The following GAREM1 variants were observed in gnomAD, a reference collection of about 807,000 sequenced individuals.
GAREM1 encodes the protein GRB2-associated and regulator of MAPK protein 1.
A neutral mutation model predicts 71.3 loss-of-function variants in GAREM1; 26 were observed. The observed-to-expected ratio is 0.36, with a 90% CI of 0.27 to 0.51. The LOEUF is 0.51. Among genes scored for constraint, GAREM1 ranks in the 20% least tolerant of loss-of-function variants. The pLI, the probability that GAREM1 is intolerant of heterozygous loss-of-function variation, is 0.95. For synonymous variants in GAREM1, 440 were observed against 433.2 expected (o/e 1.02, Z -0.20); for missense variants, 1,026 against 1,103.1 (o/e 0.93, Z 0.99).
chr18:32,338,442 C>T (rs1246884760), intron 2 of GAREM1, among the ~76,000 whole-genome samples: 1 of 152,120 alleles, frequency 6.6e-6, no homozygotes, highest in Non-Finnish European at 1.5e-5. Flanking sequence ...ACTGGCTCAA[C>T]CCGTTTCCTC....
At chr18:32,466,765 G>A (rs1472062027) in intron 1 of GAREM1, among the ~76,000 whole-genome samples, 1 of 152,146 alleles carries the variant, frequency 6.6e-6, no homozygotes, top group Non-Finnish European at 1.5e-5. Flanking sequence ...CAGTTTATAA[G>A]ACTGATGATC....
intron 1 of GAREM1, among the ~76,000 whole-genome samples, chr18:32,422,191 G>A (rs145744249): frequency 2.8e-4 from 42 of 151,246 alleles, no homozygotes; most frequent in Non-Finnish European, 4.9e-4. Context: ...TTCCTGTGTC[G>A]CTGTGTTCTC....
chr18:32,358,248 G>T (rs1248248818), intron 2 of GAREM1, among the ~76,000 whole-genome samples: 2 of 151,816 alleles, frequency 1.3e-5, no homozygotes, highest in Admixed American at 1.3e-4. Flanking sequence ...TCACAGGTGG[G>T]ACTCCCAGTC....
intron 2 of GAREM1, among the ~76,000 whole-genome samples, chr18:32,385,254 T>C (rs188546065): frequency 8.6e-4 from 131 of 152,218 alleles, no homozygotes; most frequent in African/African-American, 3.1e-3. Flanking sequence ...TTCCCTTTAG[T>C]ACAAAATATC....
chr18:32,445,471 T>TC lies in GAREM1; in HGVS notation c.121+24836dup, dbSNP rs371470452. Among the ~76,000 whole-genome samples, 414 of 151,678 alleles carry TC rather than the reference T, an allele frequency of 2.7e-3. 2 individuals carry two copies. Among genetic ancestry groups the TC allele is most frequent in the African/African-American group, 9.7e-3 (401 of 41,318 alleles). ...CTGCTCTTCCAATAGGGGTATATAC[T>TC]CCCCCCTAGAACCCCATTCACATTG... On this transcript the variant is annotated intron_variant, in intron 1 of 5. Coordinates refer to ENST00000269209, the MANE Select transcript of GAREM1 (RefSeq NM_001242409.2).
At chr18:32,299,442 A>T (rs543890690) in intron 3 of GAREM1, among the ~76,000 whole-genome samples, 17 of 137,208 alleles carry the variant, frequency 1.2e-4, no homozygotes, top group Non-Finnish European at 1.5e-4. Flanking sequence ...TGAACCCAGG[A>T]GGCGGAGCTT....
At chr18:32,272,630 T>C (rs2041479230) in intron 4 of GAREM1, among the ~76,000 whole-genome samples, 1 of 151,554 alleles carries the variant, frequency 6.6e-6, no homozygotes, top group African/African-American at 2.4e-5. Flanking sequence ...CTGGGGTCTT[T>C]TTTTTTTTTG....
intron 1 of GAREM1, among the ~76,000 whole-genome samples, chr18:32,411,325 A>G (rs938148953): frequency 6.6e-6 from 1 of 152,236 alleles, no homozygotes; most frequent in African/African-American, 2.4e-5. Flanking sequence ...CTGAGCCACA[A>G]GTCAAACGTT....
intron 1 of GAREM1, among the ~76,000 whole-genome samples, chr18:32,424,689 T>C (rs2048556884): frequency 6.6e-6 from 1 of 152,210 alleles, no homozygotes; most frequent in Non-Finnish European, 1.5e-5. Flanking sequence ...TCACATGTAT[T>C]AAATAAAAAT....
intron 2 of GAREM1, among the ~76,000 whole-genome samples, chr18:32,388,406 T>C (rs1326280320): frequency 6.6e-6 from 1 of 152,082 alleles, no homozygotes; most frequent in Non-Finnish European, 1.5e-5. Context: ...AACTACTTAA[T>C]AGGGGAGTGG....
At chr18:32,352,525 C>T (rs2047762390) in intron 2 of GAREM1, among the ~76,000 whole-genome samples, 1 of 151,986 alleles carries the variant, frequency 6.6e-6, no homozygotes, top group Non-Finnish European at 1.5e-5. Flanking sequence ...AGGGACAGAG[C>T]CAAGGGCTTG....
At chr18:32,296,521 C>T (rs994841913) in intron 3 of GAREM1, among the ~76,000 whole-genome samples, 1 of 152,158 alleles carries the variant, frequency 6.6e-6, no homozygotes, top group African/African-American at 2.4e-5. Context: ...GTCCTCCGAT[C>T]TGTGAATTTC....
chr18:32,324,160 A>G (rs1435383995), intron 2 of GAREM1, among the ~76,000 whole-genome samples: 2 of 152,244 alleles, frequency 1.3e-5, no homozygotes, highest in Admixed American at 6.5e-5. Flanking sequence ...CAAGCTGTGT[A>G]GAATCAAAGC....
At chr18:32,288,595 G>T (rs1486419518) in intron 3 of GAREM1, among the ~76,000 whole-genome samples, 1 of 150,428 alleles carries the variant, frequency 6.6e-6, no homozygotes, top group African/African-American at 2.4e-5. Context: ...TTTAAAATTT[G>T]AAATTGAGAA....
chr18:32,342,140 C>T (rs1484598931), intron 2 of GAREM1, among the ~76,000 whole-genome samples: 1 of 152,158 alleles, frequency 6.6e-6, no homozygotes, highest in Non-Finnish European at 1.5e-5. Flanking sequence ...TCACTTCTAA[C>T]CACTCCATAA....
intron 2 of GAREM1, among the ~76,000 whole-genome samples, chr18:32,318,498 A>G (rs1230200692): frequency 6.6e-6 from 1 of 152,228 alleles, no homozygotes; most frequent in African/African-American, 2.4e-5. Context: ...TTAAGAAGAC[A>G]GCAACAATGC....
At chr18:32,309,735 CA>C (rs1376618646) in intron 3 of GAREM1, among the ~76,000 whole-genome samples, 1 of 150,802 alleles carries the variant, frequency 6.6e-6, no homozygotes, top group Non-Finnish European at 1.5e-5. Context: ...AGATAGTCCA[CA>C]AAGAATGGAA....
chr18:32,335,598 G>C (rs1644612076), intron 2 of GAREM1, among the ~76,000 whole-genome samples: 1 of 152,150 alleles, frequency 6.6e-6, no homozygotes, highest in Non-Finnish European at 1.5e-5. Flanking sequence ...AATTACCTCA[G>C]GACTCCTTCA....
intron 2 of GAREM1, among the ~76,000 whole-genome samples, chr18:32,378,057 T>TGTGTGTGTGCGC (rs1293817110): frequency 6.0e-4 from 77 of 127,612 alleles, no homozygotes; most frequent in African/African-American, 1.9e-3. Flanking sequence ...TGTGTGTGTG[T>TGTGTGTGTGCGC]GCGCGCGGGC....
Sources: gnomAD v4.1 joint callset for allele counts (sites outside exome capture counted in the v4.1 genomes callset) on GRCh38, gnomAD v4.1.1 for gene constraint, MANE v1.5 for transcripts, NCBI Gene and HGNC (gene_info 2026-07-23, HGNC 2026-07-21) for gene names.